Variants in ZNF451 observed in about 807,000 individuals in gnomAD.
ZNF451 encodes zinc finger protein 451, also known as E3 SUMO-protein ligase ZNF451.
A neutral mutation model predicts 107.1 loss-of-function variants in ZNF451; 80 were observed. The ratio of observed to expected loss-of-function variants is 0.75; its 90% CI spans 0.62 to 0.90. ZNF451 has a LOEUF of 0.90. Among genes scored for constraint, ZNF451 ranks in the 40% least tolerant of loss-of-function variants. The pLI is 0.00. For synonymous variants in ZNF451, 362 were observed against 406.5 expected (o/e 0.89, Z 1.32); for missense variants, 1,107 against 1,236.2 (o/e 0.90, Z 1.57).
chr6:57,139,736 G>C (rs139061579), intron 7 of ZNF451, among the ~76,000 whole-genome samples: 475 of 152,256 alleles, frequency 3.1e-3, no homozygotes, highest in Non-Finnish European at 5.6e-3. Context: ...TTATTTGACT[G>C]TGTCAAATTT....
intron 9 of ZNF451, among the ~76,000 whole-genome samples, chr6:57,145,968 T>C (rs1832044385): frequency 6.6e-6 from 1 of 152,204 alleles, no homozygotes; most frequent in South Asian, 2.1e-4. Flanking sequence ...ATCAGTTGTT[T>C]TTTGACTTTT....
chr6:57,120,013 ATC>A (rs1389536760), intron 3 of ZNF451, among the ~76,000 whole-genome samples: 1 of 152,180 alleles, frequency 6.6e-6, no homozygotes, highest in Non-Finnish European at 1.5e-5. Context: ...AATGACATGT[ATC>A]TGTCATTGTA....
intron 9 of ZNF451, among the ~76,000 whole-genome samples, chr6:57,144,223 T>G (rs958108095): frequency 6.6e-5 from 10 of 150,904 alleles, no homozygotes; most frequent in Non-Finnish European, 8.8e-5. Context: ...ATATGAATTA[T>G]GAATTATATC....
intron 3 of ZNF451, chr6:57,104,175 C>T: frequency 1.0e-6 from 1 of 985,338 alleles, no homozygotes; most frequent in Non-Finnish European, 1.2e-6. Flanking sequence ...GTCTTTCAAA[C>T]TAAACTCTAG....
At chr6:57,100,913 A>C in intron 3 of ZNF451, 1 of 1,550,796 alleles carries the variant, frequency 6.4e-7, no homozygotes, top group South Asian at 1.2e-5. Context: ...GTCAAAGAGA[A>C]TTTACGTATA....
chr6:57,153,391 GTTCT>G (rs1347079577), intron 12 of ZNF451, among the ~76,000 whole-genome samples: 3 of 150,626 alleles, frequency 2.0e-5, no homozygotes, highest in Non-Finnish European at 4.4e-5. Context: ...TTATGAACGA[GTTCT>G]TTCTTTCTCT....
intron 3 of ZNF451, 56 bp from the exon 4 acceptor site, chr6:57,124,678 A>G (rs1830835245): frequency 4.7e-6 from 6 of 1,284,752 alleles, no homozygotes. Context: ...GAATGGATGT[A>G]TATTATCCAA....
At chr6:57,118,091 A>T (rs1387329006) in intron 3 of ZNF451, among the ~76,000 whole-genome samples, 2 of 152,342 alleles carry the variant, frequency 1.3e-5, no homozygotes, top group East Asian at 1.9e-4. Flanking sequence ...AAGGGTAGCA[A>T]CTTGAAATAT....
At chr6:57,110,921 T>G (rs901406030) in intron 3 of ZNF451, among the ~76,000 whole-genome samples, 1 of 151,768 alleles carries the variant, frequency 6.6e-6, no homozygotes, top group Non-Finnish European at 1.5e-5. Context: ...TTTTTTTCCT[T>G]CTTTTTCCCT....
intron 2 of ZNF451, among the ~76,000 whole-genome samples, chr6:57,094,006 C>G (rs1161676179): frequency 1.3e-5 from 2 of 152,170 alleles, no homozygotes; most frequent in African/African-American, 4.8e-5. Flanking sequence ...GATTTATGCT[C>G]AAATCCATAT....
chr6:57,122,926 G>T (rs1184561532), intron 3 of ZNF451, among the ~76,000 whole-genome samples: 1 of 152,190 alleles, frequency 6.6e-6, no homozygotes, highest in Non-Finnish European at 1.5e-5. Context: ...TGTAATCCCA[G>T]CATTTTGGGA....
At chr6:57,138,741 A>ATGTGTGTGTGTGTGTGTGTG (rs1185366526) in intron 7 of ZNF451, among the ~76,000 whole-genome samples, 1 of 46,600 alleles carries the variant, frequency 2.1e-5, no homozygotes, top group Non-Finnish European at 3.6e-5. Flanking sequence ...ATATATATAT[A>ATGTGTGTGTGTGTGTGTGTG]TGTGTGTGTG....
intron 13 of ZNF451, among the ~76,000 whole-genome samples, chr6:57,155,443 A>AC (rs565695372): frequency 5.5e-4 from 84 of 152,288 alleles, no homozygotes; most frequent in African/African-American, 1.9e-3. Flanking sequence ...CTGAGATTGC[A>AC]CCATTGCGCT....
chr6:57,134,817 T>C lies in ZNF451; in HGVS notation c.649T>C (p.Cys217Arg). 1 of 1,612,192 alleles carries C rather than the reference T, an allele frequency of 6.2e-7. No homozygotes were observed. The highest frequency in any genetic ancestry group is 8.5e-7 in the Non-Finnish European group (1 of 1,179,030). ...PFFSSFACVV[C>R]YKKFVTQQQY... ...CTTCAGCTCCTTTGCTTGTGTAGTA[T>C]GTTATAAAAAATTTGTTACTCAACA... The change falls in exon 7 of 15, where the codon TGT becomes CGT. Residue 217 changes from cysteine (C) to arginine (R), a missense_variant. By Grantham distance (180) the Cys-to-Arg change is radical (BLOSUM62 -3). This residue lies in a region of ZNF451 where 339 missense variants were observed against 372.8 expected (regional missense o/e 0.91). Transcript: ENST00000370706.
At chr6:57,100,919 G>C (rs890292999) in intron 3 of ZNF451, 3 of 1,550,752 alleles carry the variant, frequency 1.9e-6, no homozygotes, top group South Asian at 1.2e-5. Context: ...GAGAATTTAC[G>C]TATAGATTCT....
chr6:57,143,599 TTGA>T (rs1166317581), intron 9 of ZNF451, among the ~76,000 whole-genome samples: 1 of 152,226 alleles, frequency 6.6e-6, no homozygotes, highest in African/African-American at 2.4e-5. Flanking sequence ...GCCACAGATG[TTGA>T]TAAGTTGTGT....
intron 11 of ZNF451, 194 bp from the exon 12 acceptor site, chr6:57,152,027 G>A: frequency 2.0e-6 from 1 of 488,082 alleles, no homozygotes; most frequent in Non-Finnish European, 3.6e-6. Flanking sequence ...CAGATTCAGG[G>A]AAGTTGGTCC....
At chr6:57,138,729 ATATATATATATATGTG>A (rs1562615497) in intron 7 of ZNF451, among the ~76,000 whole-genome samples, 1 of 114,122 alleles carries the variant, frequency 8.8e-6, no homozygotes, top group Admixed American at 9.2e-5. Flanking sequence ...ATATATATAT[ATATATATATATATGTG>A]TGTGTGTGTG....
intron 2 of ZNF451, among the ~76,000 whole-genome samples, chr6:57,097,061 T>A (rs932159187): frequency 6.6e-6 from 1 of 152,180 alleles, no homozygotes. Context: ...TGAGCCACCG[T>A]GCATGGCCTA....
Sources: allele counts gnomAD v4.1 joint callset (sites outside exome capture counted in the v4.1 genomes callset), GRCh38; gene constraint gnomAD v4.1.1; regional missense constraint gnomAD v4.1.1; transcripts MANE v1.5; gene names NCBI Gene and HGNC (gene_info 2026-07-23, HGNC 2026-07-21).